The following AKAP7 variants were observed in gnomAD, a reference collection of about 807,000 sequenced individuals.
AKAP7 encodes the protein A kinase (PRKA) anchor protein 7.
AKAP7 carries 39 observed loss-of-function variants against 39.5 expected under a neutral mutation model. The observed-to-expected ratio is 0.99, with a 90% confidence interval of 0.76 to 1.29. AKAP7 has a LOEUF of 1.29. AKAP7 is among the 50% of genes most tolerant of loss of function. AKAP7 has a pLI of 0.00. For missense variants in AKAP7, 414 were observed against 407.7 expected, an observed-to-expected ratio of 1.02 and a Z score of -0.13; for synonymous variants, 140 against 139.1, an observed-to-expected ratio of 1.01 and a Z score of -0.05.
chr6:131,202,484 A>G (rs1807672716), intron 6 of AKAP7, among the ~76,000 whole-genome samples: 1 of 151,514 alleles, frequency 6.6e-6, no homozygotes, highest in Non-Finnish European at 1.5e-5. Flanking sequence ...ATTGGAAATC[A>G]TCATTCTCAG....
intron 5 of AKAP7, among the ~76,000 whole-genome samples, chr6:131,171,177 G>T (rs149775391): frequency 0.02 from 2,991 of 152,076 alleles, 42 homozygotes; most frequent in South Asian, 0.029. Context: ...AAAAAAAAAA[G>T]ATCCTTTTCC....
At chr6:131,230,654 T>A (rs1321673972) in intron 7 of AKAP7, among the ~76,000 whole-genome samples, 1 of 152,198 alleles carries the variant, frequency 6.6e-6, no homozygotes, top group African/African-American at 2.4e-5. Context: ...AAAAATTCTT[T>A]GCCAAGGCCA....
chr6:131,225,632 T>C (rs531911915), intron 7 of AKAP7, among the ~76,000 whole-genome samples: 44 of 152,312 alleles, frequency 2.9e-4, no homozygotes, highest in African/African-American at 1.1e-3. Flanking sequence ...AACCAAAGAT[T>C]TGATATATAT....
chr6:131,139,948 C>G (rs1204552242), intron 1 of AKAP7, among the ~76,000 whole-genome samples: 1 of 152,182 alleles, frequency 6.6e-6, no homozygotes, highest in Non-Finnish European at 1.5e-5. Context: ...GGAGGAAGCA[C>G]TAGGTGCCTA....
the AKAP7 span, among the ~76,000 whole-genome samples, chr6:131,127,149 G>A: frequency 1.3e-5 from 2 of 151,998 alleles, no homozygotes; most frequent in Admixed American, 6.6e-5. Flanking sequence ...GGATGCAAGC[G>A]ATTTTCCTGC....
the AKAP7 span, among the ~76,000 whole-genome samples, chr6:131,127,386 C>T: frequency 6.6e-6 from 1 of 151,936 alleles, no homozygotes; most frequent in African/African-American, 2.4e-5. Flanking sequence ...GGCACTTGGA[C>T]ATTTGATTTC....
chr6:131,206,863 A>C (rs1251323641), intron 6 of AKAP7, among the ~76,000 whole-genome samples: 1 of 151,938 alleles, frequency 6.6e-6, no homozygotes, highest in Non-Finnish European at 1.5e-5. Flanking sequence ...TTTGACTGCC[A>C]CTCACTTTTG....
chr6:131,150,958 T>C (rs1229738458), intron 2 of AKAP7, among the ~76,000 whole-genome samples: 4 of 152,174 alleles, frequency 2.6e-5, no homozygotes, highest in African/African-American at 9.7e-5. Context: ...CATTTCCCTT[T>C]AAGAGAAATA....
At chr6:131,213,533 G>T (rs1808872301) in intron 6 of AKAP7, among the ~76,000 whole-genome samples, 2 of 152,092 alleles carry the variant, frequency 1.3e-5, no homozygotes, top group Admixed American at 1.3e-4. Flanking sequence ...AGGAGGAGGA[G>T]GCTGTAGCTT....
chr6:131,168,300 T>C (rs553195961), intron 4 of AKAP7, among the ~76,000 whole-genome samples: 1 of 152,046 alleles, frequency 6.6e-6, no homozygotes, highest in African/African-American at 2.4e-5. Flanking sequence ...GTATTCCAGC[T>C]ACTCAGGAGG....
At chr6:131,162,472 G>A (rs1414670899) in intron 3 of AKAP7, among the ~76,000 whole-genome samples, 1 of 152,140 alleles carries the variant, frequency 6.6e-6, no homozygotes, top group Admixed American at 6.5e-5. Flanking sequence ...AATTTTTCAA[G>A]TTTCAGTTTG....
At chr6:131,250,248 C>T in intron 7 of AKAP7, 1 of 1,096,376 alleles carries the variant, frequency 9.1e-7, no homozygotes. Context: ...CCAGACAGAA[C>T]ACATGGCACT....
rs555023762 is a variant in AKAP7 at position 131,202,864 on chromosome 6, A to G, written c.702+3291A>G. 5.3e-5 allele frequency among the ~76,000 whole-genome samples: 8 copies of G among 152,290 alleles called. No individual in the cohort carries two copies. In the East Asian group the frequency reaches 1.5e-3, roughly 29 times the overall value. On this transcript the variant is annotated intron_variant, in intron 6 of 7. Transcript: ENST00000431975. Reference sequence around the variant, plus strand: ...TAATTTATGGAATGAGTCTATTCCTATCACTATTATAGTGGTCAGTGTTCC... The same window carrying G: ...TAATTTATGGAATGAGTCTATTCCTGTCACTATTATAGTGGTCAGTGTTCC...
At chr6:131,187,134 AT>A (rs899906680) in intron 5 of AKAP7, among the ~76,000 whole-genome samples, 1 of 151,978 alleles carries the variant, frequency 6.6e-6, no homozygotes. Context: ...TTTAGGATGG[AT>A]TTTTTTTAAA....
chr6:131,185,072 A>G (rs1407819226), intron 5 of AKAP7: 18 of 699,684 alleles, frequency 2.6e-5, no homozygotes, highest in South Asian at 2.5e-4. Context: ...CCAGGCTGTC[A>G]TCATCAACTC....
chr6:131,170,199 A>T (rs1030296840), intron 5 of AKAP7, among the ~76,000 whole-genome samples: 1 of 150,684 alleles, frequency 6.6e-6, no homozygotes, highest in Admixed American at 6.6e-5. Flanking sequence ...CTAATGCTAG[A>T]TGACGAGTTA....
intron 6 of AKAP7, 45 bp downstream of exon 6, chr6:131,199,618 C>T (rs746757023): frequency 1.4e-6 from 2 of 1,397,360 alleles, no homozygotes; most frequent in Admixed American, 3.4e-5. Flanking sequence ...CAGGCCACAC[C>T]AGCCATAAGC....
chr6:131,138,122 C>T (rs1584922497), intron 1 of AKAP7, among the ~76,000 whole-genome samples: 1 of 152,228 alleles, frequency 6.6e-6, no homozygotes, highest in East Asian at 1.9e-4. Context: ...CGTTCCACCA[C>T]CCTCCCCAGC....
At chr6:131,263,304 G>A (rs908211415) in intron 7 of AKAP7, among the ~76,000 whole-genome samples, 6 of 152,106 alleles carry the variant, frequency 3.9e-5, no homozygotes, top group African/African-American at 1.4e-4. Flanking sequence ...TAGGGCTCTG[G>A]CTTCCAGAAG....
Sources: gnomAD v4.1 joint callset for allele counts (sites outside exome capture counted in the v4.1 genomes callset) on GRCh38, gnomAD v4.1.1 for gene constraint, MANE v1.5 for transcripts, NCBI Gene and HGNC (gene_info 2026-07-23, HGNC 2026-07-21) for gene names.